The following SHISA6 variants were observed in gnomAD, a reference collection of about 807,000 sequenced individuals.
SHISA6 encodes the protein protein shisa-6.
A neutral mutation model predicts 47.9 loss-of-function variants in SHISA6; 22 were observed. That is an observed-to-expected ratio of 0.46 (90% CI 0.33 to 0.66). The LOEUF is 0.66. Ranked by LOEUF, SHISA6 falls within the 30% of genes least tolerant of loss-of-function variation. SHISA6 has a pLI of 0.02. For missense variants in SHISA6, 680 were observed against 764.6 expected (o/e 0.89, Z 1.30); for synonymous variants, 388 against 337.8 (o/e 1.15, Z -1.63).
At chr17:11,434,884 C>T (rs143880493) in intron 3 of SHISA6, among the ~76,000 whole-genome samples, 37 of 152,272 alleles carry the variant, frequency 2.4e-4, no homozygotes, top group African/African-American at 7.2e-4. Context: ...GCCTATTTCA[C>T]GGGTTTTAGA....
chr17:11,425,999 G>T (rs985075511), intron 3 of SHISA6, among the ~76,000 whole-genome samples: 1 of 152,184 alleles, frequency 6.6e-6, no homozygotes, highest in Non-Finnish European at 1.5e-5. Context: ...TCCCACTGTG[G>T]AATGAGCACA....
chr17:11,272,942 C>T (rs1238666652), intron 2 of SHISA6, among the ~76,000 whole-genome samples: 1 of 152,170 alleles, frequency 6.6e-6, no homozygotes, highest in Non-Finnish European at 1.5e-5. Context: ...GAGTGTGATG[C>T]CTGAGTTCCT....
chr17:11,291,864 G>A (rs962561065), intron 2 of SHISA6, among the ~76,000 whole-genome samples: 3 of 152,044 alleles, frequency 2.0e-5, no homozygotes, highest in Non-Finnish European at 2.9e-5. Context: ...GACTAGATTA[G>A]GGCCCATCCG....
At chr17:11,542,762 A>G (rs2071844639) in intron 3 of SHISA6, among the ~76,000 whole-genome samples, 1 of 152,076 alleles carries the variant, frequency 6.6e-6, no homozygotes, top group Non-Finnish European at 1.5e-5. Context: ...GCCTTCCTCT[A>G]CCTCCTTCAG....
chr17:11,357,225 G>A (rs1370205971), intron 2 of SHISA6, among the ~76,000 whole-genome samples: 5 of 147,776 alleles, frequency 3.4e-5, no homozygotes, highest in African/African-American at 1.2e-4. Context: ...AGAAGAAGAA[G>A]AAGAAGCAGG....
At chr17:11,344,916 G>T (rs1911648718) in intron 2 of SHISA6, among the ~76,000 whole-genome samples, 1 of 152,026 alleles carries the variant, frequency 6.6e-6, no homozygotes, top group Non-Finnish European at 1.5e-5. Flanking sequence ...CCATTAACCA[G>T]CCTCTCCTTA....
chr17:11,469,730 G>C (rs1303926639), intron 3 of SHISA6, among the ~76,000 whole-genome samples: 1 of 152,090 alleles, frequency 6.6e-6, no homozygotes, highest in Non-Finnish European at 1.5e-5. Context: ...CAGAGCTCCA[G>C]CTCCAGACTG....
intron 2 of SHISA6, among the ~76,000 whole-genome samples, chr17:11,276,639 C>T (rs932688644): frequency 1.3e-5 from 2 of 151,628 alleles, no homozygotes; most frequent in African/African-American, 4.8e-5. Flanking sequence ...ATCACCAATA[C>T]CATCATCATC....
chr17:11,361,752 A>G (rs995042045), intron 2 of SHISA6, among the ~76,000 whole-genome samples: 16 of 152,258 alleles, frequency 1.1e-4, no homozygotes, highest in Admixed American at 1.0e-3. Flanking sequence ...TGAACAATTA[A>G]TGAGCACACA....
At chr17:11,260,846 CCT>C in intron 1 of SHISA6, among the ~76,000 whole-genome samples, 1 of 152,088 alleles carries the variant, frequency 6.6e-6, no homozygotes, top group East Asian at 1.9e-4. Flanking sequence ...CCTTTCTCTC[CCT>C]CTCTGTTTGC....
intron 2 of SHISA6, among the ~76,000 whole-genome samples, chr17:11,318,628 G>A (rs986865586): frequency 2.6e-5 from 4 of 152,202 alleles, no homozygotes; most frequent in Non-Finnish European, 2.9e-5. Context: ...ATGTACGTAT[G>A]TGTTTAGGTA....
At chr17:11,244,638 A>G (rs545178519) in intron 1 of SHISA6, among the ~76,000 whole-genome samples, 1 of 152,288 alleles carries the variant, frequency 6.6e-6, no homozygotes, top group East Asian at 1.9e-4. Context: ...GGAGGGAGTG[A>G]TAGAGACAGA....
intron 2 of SHISA6, among the ~76,000 whole-genome samples, chr17:11,369,440 A>G (rs1162191997): frequency 6.6e-6 from 1 of 152,226 alleles, no homozygotes; most frequent in East Asian, 1.9e-4. Flanking sequence ...ATTTAGTTAA[A>G]ACTCATTCAT....
At chr17:11,425,869 A>G (rs1426156918) in intron 3 of SHISA6, among the ~76,000 whole-genome samples, 1 of 152,174 alleles carries the variant, frequency 6.6e-6, no homozygotes, top group African/African-American at 2.4e-5. Flanking sequence ...CTTCCCCTGC[A>G]GCCCCAGTGC....
chr17:11,422,623 G>A (rs547979028), intron 3 of SHISA6, among the ~76,000 whole-genome samples: 6 of 152,182 alleles, frequency 3.9e-5, no homozygotes, highest in African/African-American at 7.2e-5. Flanking sequence ...TTAGTAGGGC[G>A]TGGTGGTGCA....
At position 11,558,459 on chromosome 17, in the gene SHISA6, CG is replaced by C; in HGVS notation, c.*159del. The C allele has an allele frequency of 1.2e-6, 1 of 800,818 alleles. No individual in the cohort carries two copies. Among genetic ancestry groups the C allele is most frequent in the Non-Finnish European group, 1.9e-6 (1 of 517,344 alleles). The allele number at this position is 800,818 out of a possible 1,614,324, so 49.6% of individuals were successfully genotyped here. On this transcript the variant is annotated 3_prime_UTR_variant, in exon 6 of 6. Coordinates refer to ENST00000441885, the MANE Select transcript of SHISA6 (RefSeq NM_207386.4). ...ACCTTTGCCCAAAAAGCCATACCCCCGGGGACACAGCCCCGATGGCCTGGTC... is the reference window on the plus strand; with the variant it reads ...ACCTTTGCCCAAAAAGCCATACCCCCGGGACACAGCCCCGATGGCCTGGTC...
chr17:11,273,187 G>A (rs1908746318), intron 2 of SHISA6, among the ~76,000 whole-genome samples: 1 of 152,212 alleles, frequency 6.6e-6, no homozygotes, highest in African/African-American at 2.4e-5. Context: ...CTTAACCAAG[G>A]TCACACAGCC....
intron 3 of SHISA6, among the ~76,000 whole-genome samples, chr17:11,534,267 A>G (rs1216903072): frequency 6.6e-6 from 1 of 151,432 alleles, no homozygotes; most frequent in East Asian, 1.9e-4. Context: ...TGGCCTCCCA[A>G]AGTGCTAGAA....
chr17:11,318,693 T>A (rs1484140545), intron 2 of SHISA6, among the ~76,000 whole-genome samples: 1 of 152,240 alleles, frequency 6.6e-6, no homozygotes, highest in Non-Finnish European at 1.5e-5. Flanking sequence ...ACTGTGTCTG[T>A]TTTTACTCTT....
Sources: allele counts gnomAD v4.1 joint callset (sites outside exome capture counted in the v4.1 genomes callset), GRCh38; gene constraint gnomAD v4.1.1; transcripts MANE v1.5; gene names NCBI Gene and HGNC (gene_info 2026-07-23, HGNC 2026-07-21).